The following MALRD1 variants were observed in gnomAD, a reference collection of about 807,000 sequenced individuals.
MALRD1 encodes the protein MAM and LDL-receptor class A domain-containing protein 1.
In MALRD1, 247 loss-of-function variants were observed where a neutral mutation model predicts 242.1. The observed-to-expected ratio is 1.02, with a 90% CI of 0.92 to 1.13. The LOEUF is 1.13. MALRD1 is among the 50% of genes most tolerant of loss of function. The pLI, the probability that MALRD1 is intolerant of heterozygous loss-of-function variation, is 0.00. For synonymous variants in MALRD1, 995 were observed against 866.6 expected (o/e 1.15, Z -2.60); for missense variants, 2,989 against 2,533.1 (o/e 1.18, Z -3.86).
chr10:19,712,910 C>T (rs1564562227), intron 38 of MALRD1, among the ~76,000 whole-genome samples: 1 of 152,174 alleles, frequency 6.6e-6, no homozygotes, highest in African/African-American at 2.4e-5. Context: ...GTCAATAGAA[C>T]AGAGCCACTC....
At chr10:19,432,904 GC>G (rs1834200878) in intron 28 of MALRD1, among the ~76,000 whole-genome samples, 1 of 152,202 alleles carries the variant, frequency 6.6e-6, no homozygotes, top group Admixed American at 6.5e-5. Context: ...AACTTTGGAT[GC>G]TTTATAATAA....
At chr10:19,702,091 G>A (rs761045556) in intron 38 of MALRD1, among the ~76,000 whole-genome samples, 2 of 151,918 alleles carry the variant, frequency 1.3e-5, no homozygotes, top group East Asian at 1.9e-4. Context: ...TCAGAATTTC[G>A]TGCTATTATA....
chr10:19,436,272 G>A (rs557052950), intron 28 of MALRD1, among the ~76,000 whole-genome samples: 1 of 152,246 alleles, frequency 6.6e-6, no homozygotes, highest in South Asian at 2.1e-4. Context: ...CTGAGTCTAT[G>A]TAGAGATCCG....
intron 4 of MALRD1, among the ~76,000 whole-genome samples, chr10:19,103,412 T>C (rs963741931): frequency 6.6e-6 from 1 of 151,588 alleles, no homozygotes; most frequent in African/African-American, 2.4e-5. Flanking sequence ...ATACAAAAAA[T>C]TAGCCGGGCG....
intron 21 of MALRD1, among the ~76,000 whole-genome samples, chr10:19,288,919 C>G (rs1841273305): frequency 6.6e-6 from 1 of 152,120 alleles, no homozygotes; most frequent in Admixed American, 6.6e-5. Flanking sequence ...AAGAGATTCA[C>G]AATATCTTTA....
chr10:19,093,875 T>TG (rs552761791), intron 4 of MALRD1, among the ~76,000 whole-genome samples: 1 of 93,920 alleles, frequency 1.1e-5, no homozygotes, highest in Admixed American at 1.2e-4. Context: ...GTGCCCCTGC[T>TG]GGGGGGGTGC....
intron 32 of MALRD1, among the ~76,000 whole-genome samples, chr10:19,565,070 A>T (rs553373888): frequency 6.6e-6 from 1 of 152,280 alleles, no homozygotes; most frequent in East Asian, 1.9e-4. Context: ...ATAACCTACA[A>T]ACTGGCCAGA....
intron 18 of MALRD1, among the ~76,000 whole-genome samples, chr10:19,253,160 T>A (rs1471293332): frequency 3.3e-5 from 5 of 151,958 alleles, no homozygotes; most frequent in African/African-American, 1.2e-4. Context: ...GAAAAATAAG[T>A]GGGTGTCATT....
intron 2 of MALRD1, among the ~76,000 whole-genome samples, chr10:19,068,293 C>G (rs951634041): frequency 1.3e-5 from 2 of 151,890 alleles, no homozygotes; most frequent in African/African-American, 4.8e-5. Context: ...TCTCTCTTTC[C>G]TTTCTGCCAT....
At chr10:19,525,191 A>G (rs1834052389) in intron 31 of MALRD1, among the ~76,000 whole-genome samples, 1 of 152,008 alleles carries the variant, frequency 6.6e-6, no homozygotes, top group Admixed American at 6.6e-5. Flanking sequence ...CTGAGATTAC[A>G]GGCGTGAGCC....
intron 26 of MALRD1, among the ~76,000 whole-genome samples, chr10:19,373,099 ATAAT>A (rs1343047152): frequency 2.6e-5 from 4 of 151,838 alleles, no homozygotes; most frequent in Non-Finnish European, 5.9e-5. Flanking sequence ...TGGAGAAAAA[ATAAT>A]TCATTGATGA....
rs775982368 is a variant in MALRD1 at position 19,595,339 on chromosome 10, C to T, written c.5826C>T (p.Pro1942=). 2 of 1,550,570 alleles carry T rather than the reference C, an allele frequency of 1.3e-6. No individual in the cohort carries two copies. Among genetic ancestry groups the T allele is most frequent in the Non-Finnish European group, 1.7e-6 (2 of 1,146,802 alleles). The stretch of plus-strand genomic sequence containing the variant: ...ATGAAATGGATTGTCCTCTCAGCCC[C>T]ACCCCTCCACTCTGTAGTAACATGG... The part of the protein sequence containing the change: ...GSDEMDCPLS[P]TPPLCSNMEF... Residue 1942 remains proline, a synonymous_variant, in exon 34 of 40, where the codon CCC becomes CCT. Coordinates refer to ENST00000454679, the MANE Select transcript of MALRD1 (RefSeq NM_001142308.3).
intron 19 of MALRD1, among the ~76,000 whole-genome samples, chr10:19,272,959 GT>G (rs1417051452): frequency 6.6e-6 from 1 of 152,060 alleles, no homozygotes; most frequent in Non-Finnish European, 1.5e-5. Context: ...GGTTCCAAAT[GT>G]TTGCTATTGT....
In MALRD1 at chr10:19,330,853, T is replaced by A. The variant is rs112453766; in HGVS notation, c.3688-516T>A. Among the ~76,000 whole-genome samples the A allele has an allele frequency of 6.7e-3, 1,008 of 149,854 alleles. 12 individuals carry two copies. The highest frequency in any genetic ancestry group is 0.024 in the African/African-American group (952 of 39,566). ...AAATCATTTCAATTCCAAAGATGTG[T>A]ACAATTTAAAAAAAAAAAACTCATG... is the stretch of plus-strand genomic sequence containing the variant. On this transcript the variant is annotated intron_variant, in intron 23 of 39. Transcript: ENST00000454679.
At chr10:19,605,392 TC>T (rs1299698362) in intron 34 of MALRD1, among the ~76,000 whole-genome samples, 1 of 151,394 alleles carries the variant, frequency 6.6e-6, no homozygotes, top group African/African-American at 2.4e-5. Flanking sequence ...GGTCTCAAAC[TC>T]CTGACCTCAT....
intron 21 of MALRD1, among the ~76,000 whole-genome samples, chr10:19,283,956 G>C (rs1415202586): frequency 3.9e-5 from 6 of 152,140 alleles, no homozygotes; most frequent in African/African-American, 7.2e-5. Context: ...TCAATAAATA[G>C]AAAGCGCTGC....
chr10:19,370,570 A>T (rs1173921459), intron 26 of MALRD1, among the ~76,000 whole-genome samples: 4 of 151,886 alleles, frequency 2.6e-5, no homozygotes, highest in African/African-American at 9.7e-5. Flanking sequence ...AAATTCACAT[A>T]TTGTTTTGTT....
At chr10:19,376,767 CGGGGTTTCAGTCTGTTGGTCAGGCT>C (rs750725189) in intron 26 of MALRD1, among the ~76,000 whole-genome samples, 10 of 151,594 alleles carry the variant, frequency 6.6e-5, no homozygotes, top group African/African-American at 9.7e-5. Context: ...TTATTAGAGA[CGGGGTTTCAGTCTGTTGGTCAGGCT>C]GGTCTCAAAC....
In MALRD1 at chr10:19,650,088, TA is replaced by T. The variant is rs541060544; in HGVS notation, c.6137+34172del. 7.6e-4 allele frequency among the ~76,000 whole-genome samples: 116 copies of T among 152,144 alleles called. 2 individuals carry two copies. In the South Asian group the frequency reaches 0.023, roughly 30 times the overall value. ...AATCTTAGCAGAGAAATGGAAATTATAAAAAAAGAACAAAATGGAAACTCTA... is the reference window on the plus strand; with the variant it reads ...AATCTTAGCAGAGAAATGGAAATTATAAAAAAGAACAAAATGGAAACTCTA... On this transcript the variant is annotated intron_variant, in intron 36 of 39. Coordinates refer to ENST00000454679, the MANE Select transcript of MALRD1 (RefSeq NM_001142308.3).
Sources: allele counts gnomAD v4.1 joint callset (sites outside exome capture counted in the v4.1 genomes callset), GRCh38; gene constraint gnomAD v4.1.1; transcripts MANE v1.5; gene names NCBI Gene and HGNC (gene_info 2026-07-23, HGNC 2026-07-21).